Variants in SHISAL1 observed in about 807,000 individuals in gnomAD.
The protein encoded by SHISAL1 is shisa like 1, also known as protein shisa-like-1.
A neutral mutation model predicts 22.6 loss-of-function variants in SHISAL1; 9 were observed. The ratio of observed to expected loss-of-function variants is 0.40; its 90% CI spans 0.24 to 0.70. SHISAL1 has a LOEUF of 0.70. Among genes scored for constraint, SHISAL1 ranks in the 30% least tolerant of loss-of-function variants. SHISAL1 has a pLI of 0.39. For missense variants in SHISAL1, 246 were observed against 270.6 expected (o/e 0.91, Z 0.64); for synonymous variants, 119 against 115.4 (o/e 1.03, Z -0.20).
rs34875045 is a variant in SHISAL1, at chr22:44,248,271, G to T, written c.*1414C>A. 1 of 146,416 alleles carries T rather than the reference G, an allele frequency of 6.8e-6. No individual in the cohort carries two copies. Among genetic ancestry groups the T allele is most frequent in the South Asian group, 2.1e-4 (1 of 4,816 alleles). The allele number at this position is 146,416 out of a possible 1,614,324, so 9.1% of individuals were successfully genotyped here. A position where few individuals can be genotyped will look rare whatever the true frequency, so the allele number is the denominator to read the frequency against. On this transcript the variant is annotated 3_prime_UTR_variant, in exon 5 of 5. Coordinates refer to ENST00000381176, the MANE Select transcript of SHISAL1 (RefSeq NM_001099294.2). The stretch of plus-strand genomic sequence containing the variant: ...ATGGGTGGTCAGTGTGAGAACACTA[G>T]GTCTGATGAAATGAGGAAACTGCGT...
chr22:44,264,505 C>G (rs117337803), intron 4 of SHISAL1, among the ~76,000 whole-genome samples: 1 of 150,918 alleles, frequency 6.6e-6, no homozygotes, highest in African/African-American at 2.4e-5. Flanking sequence ...ACCTGTCCTC[C>G]TTGCAGGGTC....
At chr22:44,270,034 C>T (rs1052074790) in intron 4 of SHISAL1, among the ~76,000 whole-genome samples, 4 of 152,200 alleles carry the variant, frequency 2.6e-5, no homozygotes, top group Admixed American at 6.5e-5. Context: ...CTTTGTGTCC[C>T]CCCACTGCCT....
rs1280174614 is a variant in SHISAL1 at position 44,245,999 on chromosome 22, T to C, written c.*3686A>G. ...ACCTGTGTGTGTGCGCGCATGTGCA[T>C]GTATGTACTTGTGTGTTTTTTCAAT... On this transcript the variant is annotated 3_prime_UTR_variant, in exon 5 of 5. Transcript: ENST00000381176. The C allele has an allele frequency of 2.0e-5, 3 of 152,240 alleles. No individual in the cohort carries two copies. Among genetic ancestry groups the C allele is most frequent in the Non-Finnish European group, 2.9e-5 (2 of 68,066 alleles). 9.4% of individuals were successfully genotyped at this position (152,240 alleles called of 1,614,324 possible). A position where few individuals can be genotyped will look rare whatever the true frequency, so the allele number is the denominator to read the frequency against.
intron 3 of SHISAL1, among the ~76,000 whole-genome samples, chr22:44,288,130 C>T (rs2055328947): frequency 6.6e-6 from 1 of 152,252 alleles, no homozygotes; most frequent in Admixed American, 6.5e-5. Flanking sequence ...AATGCTCACG[C>T]AACCACGGGA....
chr22:44,287,295 C>T (rs1405932163), intron 3 of SHISAL1, among the ~76,000 whole-genome samples: 4 of 152,222 alleles, frequency 2.6e-5, no homozygotes, highest in African/African-American at 9.6e-5. Flanking sequence ...TTCCCTTGGG[C>T]TCCTCTGGCC....
intron 1 of SHISAL1, among the ~76,000 whole-genome samples, chr22:44,303,595 C>T (rs1423654085): frequency 2.0e-5 from 3 of 152,192 alleles, no homozygotes; most frequent in African/African-American, 4.8e-5. Context: ...GACACCCTGA[C>T]TTGGACTTCC....
intron 4 of SHISAL1, among the ~76,000 whole-genome samples, chr22:44,251,327 A>G (rs2055046048): frequency 6.6e-6 from 1 of 152,266 alleles, no homozygotes; most frequent in Non-Finnish European, 1.5e-5. Context: ...AAGTCAACAG[A>G]AAAACATGTT....
chr22:44,313,872 C>T (rs1281743919), upstream of SHISAL1, among the ~76,000 whole-genome samples: 1 of 152,180 alleles, frequency 6.6e-6, no homozygotes, highest in South Asian at 2.1e-4. Flanking sequence ...CCATTCCTTT[C>T]GGTGGACAGA....
the SHISAL1 span, among the ~76,000 whole-genome samples, chr22:44,319,468 C>A: frequency 6.6e-6 from 1 of 152,256 alleles, no homozygotes; most frequent in Non-Finnish European, 1.5e-5. Flanking sequence ...AATGAAACCA[C>A]TTCCCCATTA....
intron 4 of SHISAL1, among the ~76,000 whole-genome samples, chr22:44,281,115 G>A (rs987120168): frequency 1.3e-5 from 2 of 152,108 alleles, no homozygotes; most frequent in Non-Finnish European, 2.9e-5. Flanking sequence ...CTGTACAGAG[G>A]TGAGACCTGG....
chr22:44,253,711 G>T (rs1341151362), intron 4 of SHISAL1, among the ~76,000 whole-genome samples: 1 of 151,690 alleles, frequency 6.6e-6, no homozygotes, highest in African/African-American at 2.4e-5. Flanking sequence ...CAAAGGCCTG[G>T]GATTACAGGC....
chr22:44,260,232 T>C (rs2055112295), intron 4 of SHISAL1, among the ~76,000 whole-genome samples: 1 of 152,234 alleles, frequency 6.6e-6, no homozygotes, highest in African/African-American at 2.4e-5. Context: ...TGTTTCCTCT[T>C]AACCAAGCTC....
intron 4 of SHISAL1, among the ~76,000 whole-genome samples, chr22:44,280,478 G>A (rs1292211270): frequency 6.6e-6 from 1 of 152,246 alleles, no homozygotes; most frequent in Non-Finnish European, 1.5e-5. Flanking sequence ...ATACCAAGGG[G>A]GGCAGTGTCT....
chr22:44,309,950 C>T lies in SHISAL1; in HGVS notation c.-33+2801G>A, dbSNP rs1027225550. 3.3e-5 allele frequency among the ~76,000 whole-genome samples: 5 copies of T among 152,214 alleles called. No individual in the cohort carries two copies. In the South Asian group the frequency reaches 6.2e-4, roughly 19 times the overall value. ...ACCCCTTCATGCTTGCAGGGGGAAG[C>T]GGCAGGAGAGAACTAGGACATCTTT... On this transcript the variant is annotated intron_variant, in intron 1 of 4. Transcript: ENST00000381176.
intron 4 of SHISAL1, among the ~76,000 whole-genome samples, chr22:44,269,992 T>C (rs772128227): frequency 2.0e-5 from 3 of 152,204 alleles, no homozygotes; most frequent in Non-Finnish European, 2.9e-5. Flanking sequence ...AATTCCTTTG[T>C]GGGTCCTGCC....
intron 4 of SHISAL1, among the ~76,000 whole-genome samples, chr22:44,261,652 G>C (rs2055125228): frequency 6.6e-6 from 1 of 152,220 alleles, no homozygotes; most frequent in Non-Finnish European, 1.5e-5. Flanking sequence ...AGTAGCCCCG[G>C]GAATGCTTCC....
In SHISAL1 at chr22:44,285,686, A is replaced by G; in HGVS notation, c.341T>C (p.Val114Ala). The change falls in exon 4 of 5, where the codon GTT becomes GCT. Residue 114 changes from valine (V) to alanine (A), a missense_variant. Val to Ala is a moderately conservative substitution (Grantham distance 64, BLOSUM62 0). Coordinates refer to ENST00000381176, the MANE Select transcript of SHISAL1 (RefSeq NM_001099294.2). ...IYGFFVLMLL[V>A]LDLLYYSAMN... ...TGCCGAGTAATACAAAAGGTCCAGA[A>G]CCAGCAGCATCAACACGAAAAATCC... 1.2e-6 allele frequency: 2 copies of G among 1,614,182 alleles called. No individual in the cohort carries two copies. Among genetic ancestry groups the G allele is most frequent in the Non-Finnish European group, 1.7e-6 (2 of 1,180,002 alleles).
At chr22:44,255,181 T>C (rs941393852) in intron 4 of SHISAL1, among the ~76,000 whole-genome samples, 1 of 152,128 alleles carries the variant, frequency 6.6e-6, no homozygotes, top group Non-Finnish European at 1.5e-5. Context: ...TGTATGTTGA[T>C]ATATATATAT....
the SHISAL1 span, among the ~76,000 whole-genome samples, chr22:44,329,470 G>A: frequency 2.0e-4 from 30 of 150,662 alleles, no homozygotes; most frequent in African/African-American, 7.1e-4. Context: ...CACACGCGCG[G>A]CTCTAAGCCA....
Sources: gnomAD v4.1 joint callset for allele counts (sites outside exome capture counted in the v4.1 genomes callset) on GRCh38, gnomAD v4.1.1 for gene constraint, MANE v1.5 for transcripts, NCBI Gene and HGNC (gene_info 2026-07-23, HGNC 2026-07-21) for gene names.